Variants in GALNT18 observed in about 807,000 individuals in gnomAD.
GALNT18 encodes GalNAc-transferase 18.
Under a neutral mutation model 69.5 loss-of-function variants are expected in GALNT18, and 44 were observed. The observed-to-expected ratio is 0.63, with a 90% confidence interval of 0.50 to 0.81. The LOEUF is 0.81. GALNT18 is among the 40% of genes least tolerant of loss of function. The probability of loss-of-function intolerance (pLI) is 0.00; values close to 1 mark genes in which losing one functional copy is unlikely to be tolerated. For missense variants in GALNT18, 715 were observed against 810.0 expected (o/e 0.88, Z 1.42); for synonymous variants, 364 against 318.2 (o/e 1.14, Z -1.53).
At position 11,372,677 on chromosome 11, in the gene GALNT18, A is replaced by T; in HGVS notation, c.978-48T>A. The T allele has an allele frequency of 6.8e-7, 1 of 1,461,032 alleles. No individual in the cohort carries two copies. The highest frequency in any genetic ancestry group is 1.1e-5 in the South Asian group (1 of 87,358). The allele number at this position is 1,461,032 out of a possible 1,614,324, so 90.5% of individuals were successfully genotyped here. A position where few individuals can be genotyped will look rare whatever the true frequency, so the allele number is the denominator to read the frequency against. Reference sequence around the variant, plus strand: ...AAGGGCTGTCTGGTGCAGCTGTCCGAGGAGTAAGAGCAGTAAGGCCTTCCT... The same window carrying T: ...AAGGGCTGTCTGGTGCAGCTGTCCGTGGAGTAAGAGCAGTAAGGCCTTCCT... On this transcript the variant is annotated intron_variant, in intron 5 of 10. Coordinates refer to ENST00000227756, the MANE Select transcript of GALNT18 (RefSeq NM_198516.3). This position sits in a 1 kb window ranked among gnomAD's most constrained non-coding sequence, Gnocchi z 4.9.
chr11:11,465,925 G>A lies in GALNT18; in HGVS notation c.236-16989C>T, dbSNP rs927597295. Reference sequence around the variant, plus strand: ...GTGCTCTGCTCAACATAGGGGGTAGGAAGGTCTCCCAGATGTGGATGTGAG... The same window carrying A: ...GTGCTCTGCTCAACATAGGGGGTAGAAAGGTCTCCCAGATGTGGATGTGAG... On this transcript the variant is annotated intron_variant, in intron 1 of 10. Transcript: ENST00000227756. This position sits in a 1 kb window ranked among gnomAD's most constrained non-coding sequence, Gnocchi z 5.7. Among the ~76,000 whole-genome samples the A allele has an allele frequency of 4.6e-5, 7 of 152,164 alleles. No individual in the cohort carries two copies. The highest frequency in any genetic ancestry group is 1.0e-4 in the Non-Finnish European group (7 of 68,040).
At chr11:11,304,581 C>T (rs527754905) in intron 9 of GALNT18, among the ~76,000 whole-genome samples, 1 of 148,904 alleles carries the variant, frequency 6.7e-6, no homozygotes, top group South Asian at 2.1e-4. Context: ...AACAGTCTGC[C>T]TACTCTGCAT....
intron 6 of GALNT18, among the ~76,000 whole-genome samples, chr11:11,357,211 C>T (rs1850548586): frequency 6.6e-6 from 1 of 152,122 alleles, no homozygotes; most frequent in Non-Finnish European, 1.5e-5. Flanking sequence ...ATTTCAGGCC[C>T]TACAGTTCCC....
chr11:11,433,955 C>T (rs1855337873), intron 2 of GALNT18, among the ~76,000 whole-genome samples: 1 of 152,064 alleles, frequency 6.6e-6, no homozygotes, highest in African/African-American at 2.4e-5. Context: ...GAGGTGCAGC[C>T]AGGTCAGAAC....
rs1438188262 is a variant in GALNT18 at position 11,432,204 on chromosome 11, C to T, written c.595+417G>A. Among the ~76,000 whole-genome samples, 1 of 152,216 alleles carries T rather than the reference C, an allele frequency of 6.6e-6. No individual in the cohort carries two copies. The highest frequency in any genetic ancestry group is 1.5e-5 in the Non-Finnish European group (1 of 68,042). ...CTACAACCTCCATCACCACCAGCAC[C>T]ATCATCACCACTGCCACTGCTAACA... On this transcript the variant is annotated intron_variant, in intron 3 of 10. Transcript: ENST00000227756. This position sits in a 1 kb window ranked among gnomAD's most constrained non-coding sequence, Gnocchi z 5.8.
At chr11:11,410,611 A>T (rs1192670928) in intron 3 of GALNT18, among the ~76,000 whole-genome samples, 1 of 152,054 alleles carries the variant, frequency 6.6e-6, no homozygotes, top group Non-Finnish European at 1.5e-5. Flanking sequence ...CTTTCTCAAG[A>T]TTTCTCACCC....
intron 1 of GALNT18, among the ~76,000 whole-genome samples, chr11:11,588,251 T>C (rs1250294269): frequency 6.6e-6 from 1 of 152,168 alleles, no homozygotes; most frequent in Non-Finnish European, 1.5e-5. Context: ...CTTCTGTCCA[T>C]GTCTCCACTC....
Position 11,592,153 on chromosome 11 carries a change from G to A in GALNT18, c.235+29206C>T, listed in dbSNP as rs1859373936. Among the ~76,000 whole-genome samples, 1 of 152,180 alleles carries A rather than the reference G, an allele frequency of 6.6e-6. No homozygotes were observed. The highest frequency in any genetic ancestry group is 2.4e-5 in the African/African-American group (1 of 41,442). On this transcript the variant is annotated intron_variant, in intron 1 of 10. Coordinates refer to ENST00000227756, the MANE Select transcript of GALNT18 (RefSeq NM_198516.3). The surrounding 1 kb of genome is among the most constrained non-coding windows in gnomAD (Gnocchi z 5.9). ...CCAGAAAAACTTTTCAGCAAGTTAA[G>A]GAGATTCCTATTTCTCTAAGCAAGT...
intron 1 of GALNT18, among the ~76,000 whole-genome samples, chr11:11,565,421 A>AC (rs1372576500): frequency 6.6e-6 from 1 of 152,058 alleles, no homozygotes; most frequent in African/African-American, 2.4e-5. Context: ...TCAGTAGTCC[A>AC]CCCTGCTTTC....
At chr11:11,567,816 T>G (rs149324467) in intron 1 of GALNT18, among the ~76,000 whole-genome samples, 1 of 152,238 alleles carries the variant, frequency 6.6e-6, no homozygotes, top group Non-Finnish European at 1.5e-5. Context: ...CCAAAGACTA[T>G]GTCCTAGGGA....
At chr11:11,550,687 CA>C (rs1858167407) in intron 1 of GALNT18, among the ~76,000 whole-genome samples, 1 of 152,228 alleles carries the variant, frequency 6.6e-6, no homozygotes, top group African/African-American at 2.4e-5. Context: ...CATTATCCAA[CA>C]GAACTTTCCG....
intron 1 of GALNT18, among the ~76,000 whole-genome samples, chr11:11,492,470 T>C (rs577974236): frequency 3.9e-4 from 60 of 152,314 alleles, no homozygotes; most frequent in African/African-American, 1.4e-3. Context: ...CTGCACTATT[T>C]ACAATAGCAA....
At chr11:11,331,035 A>G (rs1237307244) in intron 8 of GALNT18, among the ~76,000 whole-genome samples, 7 of 152,198 alleles carry the variant, frequency 4.6e-5, no homozygotes, top group Admixed American at 1.3e-4. Flanking sequence ...CCCATGGCCA[A>G]GCAGCATACA....
At chr11:11,335,531 G>C (rs1372274525) in intron 7 of GALNT18, among the ~76,000 whole-genome samples, 1 of 152,162 alleles carries the variant, frequency 6.6e-6, no homozygotes, top group African/African-American at 2.4e-5. Flanking sequence ...GGTGTAGTGA[G>C]TTGAATTGTG....
chr11:11,619,490 G>A lies in GALNT18; in HGVS notation c.235+1869C>T, dbSNP rs992147131. On this transcript the variant is annotated intron_variant, in intron 1 of 10. Coordinates refer to ENST00000227756, the MANE Select transcript of GALNT18 (RefSeq NM_198516.3). This position sits in a 1 kb window ranked among gnomAD's most constrained non-coding sequence, Gnocchi z 4.9. Reference sequence around the variant, plus strand: ...ATTCCACATGACTGGCACCCACTCCGTTACAGGCTCAGGGGTTAATGGCAT... The same window carrying A: ...ATTCCACATGACTGGCACCCACTCCATTACAGGCTCAGGGGTTAATGGCAT... 3.3e-5 allele frequency among the ~76,000 whole-genome samples: 5 copies of A among 151,944 alleles called. No homozygotes were observed. The highest frequency in any genetic ancestry group is 9.7e-5 in the African/African-American group (4 of 41,320).
chr11:11,595,456 C>T lies in GALNT18; in HGVS notation c.235+25903G>A, dbSNP rs112341891. ...CTCCAAAACTGTGAGAAATTTCTGT[C>T]GTTTAAAAGCTACCCAGTTTTGTTT... On this transcript the variant is annotated intron_variant, in intron 1 of 10. Coordinates refer to ENST00000227756, the MANE Select transcript of GALNT18 (RefSeq NM_198516.3). The surrounding 1 kb of genome is among the most constrained non-coding windows in gnomAD (Gnocchi z 5.2). 0.023 allele frequency among the ~76,000 whole-genome samples: 3,538 copies of T among 152,240 alleles called. 149 individuals are homozygous for T. The highest frequency in any genetic ancestry group is 0.081 in the African/African-American group (3,365 of 41,534).
In GALNT18 at chr11:11,347,158, G is replaced by A. The variant is rs149855824; in HGVS notation, c.1093-6154C>T. Among the ~76,000 whole-genome samples, 1 of 152,114 alleles carries A rather than the reference G, an allele frequency of 6.6e-6. No individual in the cohort carries two copies. Among genetic ancestry groups the A allele is most frequent in the Non-Finnish European group, 1.5e-5 (1 of 68,020 alleles). On this transcript the variant is annotated intron_variant, in intron 6 of 10. Transcript: ENST00000227756. This position sits in a 1 kb window ranked among gnomAD's most constrained non-coding sequence, Gnocchi z 4.0. Reference sequence around the variant, plus strand: ...TCAATTTCCCCCAGCTGCCAAATGGGGGAGCTGGACTCAATGTTGTCTTAG... The same window carrying A: ...TCAATTTCCCCCAGCTGCCAAATGGAGGAGCTGGACTCAATGTTGTCTTAG...
In GALNT18 at chr11:11,379,233, C is replaced by T; in HGVS notation, c.627G>A (p.Val209=). Residue 209 remains valine (V), a synonymous_variant, in exon 4 of 11, where the codon GTG becomes GTA. Coordinates refer to ENST00000227756, the MANE Select transcript of GALNT18 (RefSeq NM_198516.3). ...CTGGCTTCTGGCTGTTCACCTTGTC[C>T]ACATATTCGGTCAGCTTCTCCTTCA... The part of the protein sequence containing the change: ...EELKEKLTEY[V]DKVNSQKPGF... 1 of 1,613,136 alleles carries T rather than the reference C, an allele frequency of 6.2e-7. No individual in the cohort carries two copies. Among genetic ancestry groups the T allele is most frequent in the Non-Finnish European group, 8.5e-7 (1 of 1,179,930 alleles).
chr11:11,279,408 C>T (rs57731156), intron 10 of GALNT18, among the ~76,000 whole-genome samples: 10 of 152,088 alleles, frequency 6.6e-5, no homozygotes, highest in Non-Finnish European at 1.3e-4. Context: ...TTAACATATA[C>T]AACCCTATGA....
Sources: gnomAD v4.1 joint callset for allele counts (sites outside exome capture counted in the v4.1 genomes callset) on GRCh38, gnomAD v4.1.1 for gene constraint, Gnocchi (gnomAD v3.1) non-coding constraint, MANE v1.5 for transcripts, NCBI Gene and HGNC (gene_info 2026-07-23, HGNC 2026-07-21) for gene names.